Variants in FAT3 observed in about 807,000 individuals in gnomAD.
FAT3 encodes protocadherin Fat 3.
Under a neutral mutation model 310.2 loss-of-function variants are expected in FAT3, and 95 were observed. The observed-to-expected ratio is 0.31, with a 90% confidence interval of 0.26 to 0.36. The LOEUF (loss-of-function observed/expected upper bound fraction) is 0.36. Among genes scored for constraint, FAT3 ranks in the 10% least tolerant of loss-of-function variants. The pLI, the probability that FAT3 is intolerant of heterozygous loss-of-function variation, is 1.00. For synonymous variants in FAT3, 2,314 were observed against 2,192.9 expected (o/e 1.06, Z -1.54); for missense variants, 5,408 against 5,715.6 (o/e 0.95, Z 1.74).
At chr11:92,256,908 C>T (rs1335903881) in intron 1 of FAT3, among the ~76,000 whole-genome samples, 1 of 152,072 alleles carries the variant, frequency 6.6e-6, no homozygotes, top group East Asian at 1.9e-4. Flanking sequence ...CACAATTAGG[C>T]TGTAAATCGT....
chr11:92,476,526 G>T (rs1210881819), intron 2 of FAT3, among the ~76,000 whole-genome samples: 13 of 152,250 alleles, frequency 8.5e-5, no homozygotes, highest in Non-Finnish European at 2.9e-5. Context: ...AGCACAAAAT[G>T]AGGCAATAAC....
At chr11:92,723,766 C>T (rs1402867516) in intron 4 of FAT3, among the ~76,000 whole-genome samples, 1 of 152,086 alleles carries the variant, frequency 6.6e-6, no homozygotes, top group Non-Finnish European at 1.5e-5. Context: ...GGAAACTCCC[C>T]TTTTTAAAAC....
At chr11:92,566,121 G>A (rs530069126) in intron 3 of FAT3, among the ~76,000 whole-genome samples, 1 of 152,286 alleles carries the variant, frequency 6.6e-6, no homozygotes, top group South Asian at 2.1e-4. Flanking sequence ...TGACATGATT[G>A]TGTATCTAGA....
chr11:92,325,523 A>T (rs1230859356), intron 1 of FAT3, among the ~76,000 whole-genome samples: 5 of 152,120 alleles, frequency 3.3e-5, no homozygotes, highest in Non-Finnish European at 7.4e-5. Context: ...TCTCATTCTG[A>T]CAGGCAACTC....
chr11:92,523,155 A>G (rs1265949376), intron 2 of FAT3, among the ~76,000 whole-genome samples: 1 of 151,540 alleles, frequency 6.6e-6, no homozygotes, highest in African/African-American at 2.4e-5. Context: ...CACTGCGTTT[A>G]TAATAGCTTT....
chr11:92,514,762 G>A (rs528981535), intron 2 of FAT3, among the ~76,000 whole-genome samples: 12 of 152,262 alleles, frequency 7.9e-5, no homozygotes, highest in African/African-American at 2.2e-4. Context: ...CAAAGAAATC[G>A]TTATCTTTTG....
At position 92,801,751 on chromosome 11, in the gene FAT3, G is replaced by A; in HGVS notation, c.8738G>A (p.Arg2913Lys). Residue 2913 changes from arginine (R) to lysine (K), a missense_variant, in exon 10 of 28, where the codon AGA becomes AAA. Around this residue, in one of 5 missense-constraint regions of FAT3, gnomAD observed 4,588 missense variants for 4,809.8 expected, o/e 0.95. Transcript: ENST00000525166. Reference protein sequence around the residue: ...SLSSTALVSVRVTDINDNAPV... With the variant: ...SLSSTALVSVKVTDINDNAPV... ...TCCTCCACGGCCTTGGTCTCTGTCA[G>A]AGTGACAGATATAAATGACAATGCA... 6.2e-7 allele frequency: 1 copy of A among 1,613,946 alleles called. No individual in the cohort carries two copies. Among genetic ancestry groups the A allele is most frequent in the Non-Finnish European group, 8.5e-7 (1 of 1,179,860 alleles).
At chr11:92,633,548 T>C (rs1941640803) in intron 3 of FAT3, among the ~76,000 whole-genome samples, 2 of 152,148 alleles carry the variant, frequency 1.3e-5, no homozygotes, top group South Asian at 4.1e-4. Context: ...TGTCCTCAAA[T>C]TCAGAGGACT....
chr11:92,270,143 C>T (rs1317908222), intron 1 of FAT3, among the ~76,000 whole-genome samples: 3 of 152,044 alleles, frequency 2.0e-5, no homozygotes, highest in African/African-American at 4.8e-5. Flanking sequence ...CTCTCAGCAG[C>T]GTTTGGTACA....
chr11:92,589,069 G>A lies in FAT3; in HGVS notation c.3607+64121G>A, dbSNP rs576775075. On this transcript the variant is annotated intron_variant, in intron 3 of 27. Coordinates refer to ENST00000525166, the MANE Select transcript of FAT3 (RefSeq NM_001367949.2). ...TCAGAGACAATGATTTCTTTATGGT[G>A]AGCCCCACTATCTCACTGGGTATTA... 5.9e-5 allele frequency among the ~76,000 whole-genome samples: 9 copies of A among 152,148 alleles called. No homozygotes were observed. In the South Asian group the frequency reaches 1.0e-3, roughly 18 times the overall value.
chr11:92,775,442 C>G (rs1946575083), intron 7 of FAT3, among the ~76,000 whole-genome samples: 1 of 152,154 alleles, frequency 6.6e-6, no homozygotes, highest in Non-Finnish European at 1.5e-5. Context: ...AACTCCTTTA[C>G]TTTTCATTTG....
In FAT3 at chr11:92,353,035, C is replaced by T; in HGVS notation, c.923C>T (p.Pro308Leu). ...IESVSIVAGD[P>L]LDQFFLAKEG... ...TCTGTTTCCATTGTGGCTGGGGATCCTTTAGATCAGTTCTTCCTGGCTAAG... is the reference window on the plus strand; with the variant it reads ...TCTGTTTCCATTGTGGCTGGGGATCTTTTAGATCAGTTCTTCCTGGCTAAG... The change falls in exon 2 of 28, where the codon CCT (proline) becomes CTT (leucine). Residue 308 changes from proline to leucine, a missense_variant. Pro to Leu is a moderately conservative substitution (Grantham distance 98, BLOSUM62 -3). Transcript: ENST00000525166. 1 of 1,613,586 alleles carries T rather than the reference C, an allele frequency of 6.2e-7. No homozygotes were observed. The highest frequency in any genetic ancestry group is 8.5e-7 in the Non-Finnish European group (1 of 1,179,848).
intron 1 of FAT3, among the ~76,000 whole-genome samples, chr11:92,260,763 G>A (rs1258249985): frequency 6.6e-6 from 1 of 152,056 alleles, no homozygotes; most frequent in Admixed American, 6.6e-5. Flanking sequence ...TGTACCTGAG[G>A]GGGTATGTAT....
chr11:92,645,719 T>A (rs778190959), intron 3 of FAT3, among the ~76,000 whole-genome samples: 15 of 152,218 alleles, frequency 9.9e-5, no homozygotes, highest in Non-Finnish European at 1.5e-4. Context: ...AGTCACTACT[T>A]TCTATAGTTA....
chr11:92,637,627 C>G (rs1039486187), intron 3 of FAT3, among the ~76,000 whole-genome samples: 8 of 152,154 alleles, frequency 5.3e-5, no homozygotes, highest in African/African-American at 1.4e-4. Context: ...GTCAGCTAAC[C>G]TACAGGCTGA....
Position 92,329,030 on chromosome 11 carries a change from ACTAT to A in FAT3, c.-17-23063_-17-23060del, listed in dbSNP as rs969265577. Among the ~76,000 whole-genome samples the A allele has an allele frequency of 7.2e-5, 11 of 152,244 alleles. No individual in the cohort carries two copies. In the South Asian group the frequency reaches 1.5e-3, roughly 20 times the overall value. On this transcript the variant is annotated intron_variant, in intron 1 of 27. Transcript: ENST00000525166. ...TAAAGAAGAATATGAAATAAAATAT[ACTAT>A]CTTTCTCTTTCACTATTCTAATCCC... is the stretch of plus-strand genomic sequence containing the variant.
At position 92,883,011 on chromosome 11, in the gene FAT3, C is replaced by T. The variant is rs2136412420; in HGVS notation, c.12555C>T (p.Ser4185=). 6.2e-7 allele frequency: 1 copy of T among 1,613,912 alleles called. No homozygotes were observed. The highest frequency in any genetic ancestry group is 8.5e-7 in the Non-Finnish European group (1 of 1,179,886). ...FRKKVFRKNY[S]RNNITLVQDP... is the part of the protein sequence containing the mutation. ...AGAAGGTCTTCCGCAAGAACTACTC[C>T]CGCAACAACATCACGCTAGTGCAGG... Residue 4185 remains serine (S), a synonymous_variant, in exon 24 of 28, where the codon TCC becomes TCT. Transcript: ENST00000525166. This position sits in a 1 kb window ranked among gnomAD's most constrained non-coding sequence, Gnocchi z 4.2.
chr11:92,697,511 C>T (rs750665793), intron 4 of FAT3, 66 bp downstream of exon 4: 3 of 1,386,088 alleles, frequency 2.2e-6, no homozygotes, highest in Non-Finnish European at 3.1e-6. Flanking sequence ...TAACCTTCAA[C>T]ATAAACTACA....
rs182071614 is a variant in FAT3 at position 92,613,045 on chromosome 11, T to G, written c.3608-84339T>G. On this transcript the variant is annotated intron_variant, in intron 3 of 27. Coordinates refer to ENST00000525166, the MANE Select transcript of FAT3 (RefSeq NM_001367949.2). ...CCTTCTTTTTCTACCTCACTGAAAATGTATCCTAAATTTGGAATCATTTAA... is the reference window on the plus strand; with the variant it reads ...CCTTCTTTTTCTACCTCACTGAAAAGGTATCCTAAATTTGGAATCATTTAA... Among the ~76,000 whole-genome samples, 429 of 152,308 alleles carry G rather than the reference T, an allele frequency of 2.8e-3. 2 individuals are homozygous for G. Among genetic ancestry groups the G allele is most frequent in the African/African-American group, 9.9e-3 (410 of 41,582 alleles).
Sources: allele counts gnomAD v4.1 joint callset (sites outside exome capture counted in the v4.1 genomes callset), GRCh38; gene constraint gnomAD v4.1.1; regional missense constraint gnomAD v4.1.1; non-coding constraint Gnocchi (gnomAD v3.1); transcripts MANE v1.5; gene names NCBI Gene and HGNC (gene_info 2026-07-23, HGNC 2026-07-21).